The following RAD51B variants were observed in gnomAD, a reference collection of about 807,000 sequenced individuals.
RAD51B encodes RAD51 paralog B, also known as DNA repair protein RAD51 homolog 2.
Under a neutral mutation model 42.2 loss-of-function variants are expected in RAD51B, and 38 were observed. The ratio of observed to expected loss-of-function variants is 0.90; its 90% CI spans 0.70 to 1.18. The LOEUF (loss-of-function observed/expected upper bound fraction) is 1.18. Among genes scored for constraint, RAD51B ranks in the 50% most tolerant of loss-of-function variants. The pLI, the probability that RAD51B is intolerant of heterozygous loss-of-function variation, is 0.00. For missense variants in RAD51B, 373 were observed against 400.7 expected, an observed-to-expected ratio of 0.93 and a Z score of 0.59; for synonymous variants, 154 against 145.2, an observed-to-expected ratio of 1.06 and a Z score of -0.43.
chr14:68,110,150 T>A (rs967032414), intron 7 of RAD51B, among the ~76,000 whole-genome samples: 12 of 151,906 alleles, frequency 7.9e-5, no homozygotes, highest in African/African-American at 2.7e-4. Flanking sequence ...ATGTCTTTTG[T>A]GAAAGGTGGA....
chr14:68,315,677 AC>A (rs1328430888), intron 8 of RAD51B, among the ~76,000 whole-genome samples: 1 of 151,982 alleles, frequency 6.6e-6, no homozygotes, highest in Non-Finnish European at 1.5e-5. Context: ...GCCCGCCACC[AC>A]GCCCGGCTAA....
intron 4 of RAD51B, among the ~76,000 whole-genome samples, chr14:67,862,515 C>T (rs1051342036): frequency 6.6e-6 from 1 of 151,456 alleles, no homozygotes; most frequent in Non-Finnish European, 1.5e-5. Flanking sequence ...AATCAATTGA[C>T]GTGAAGGAAG....
intron 10 of RAD51B, among the ~76,000 whole-genome samples, chr14:68,617,385 A>G (rs1458270134): frequency 6.6e-6 from 1 of 152,190 alleles, no homozygotes; most frequent in South Asian, 2.1e-4. Flanking sequence ...AAGCTGGTTG[A>G]TATTTTTACA....
chr14:68,595,775 C>T (rs894440220), exon 11 of RAD51B: 1 of 422,668 alleles, frequency 2.4e-6, no homozygotes. Flanking sequence ...AAAGTGTTCA[C>T]ACCATATTAT....
Position 68,569,980 on chromosome 14 carries a change from G to T in RAD51B, c.1037-24505G>T, listed in dbSNP as rs1051865950. ...GAACCAGGCCTGATGTTAAAGACAG[G>T]TTTCACCTTCTTTGTTTGTCTTGCC... On this transcript the variant is annotated intron_variant, in intron 10 of 10. Transcript: ENST00000487270. Among the ~76,000 whole-genome samples the T allele has an allele frequency of 4.3e-4, 66 of 152,340 alleles. 2 individuals are homozygous for T. The highest frequency in any genetic ancestry group is 3.3e-4 in the Admixed American group (5 of 15,304).
intron 11 of RAD51B, among the ~76,000 whole-genome samples, chr14:68,674,152 C>G (rs955232852): frequency 1.3e-5 from 2 of 150,808 alleles, no homozygotes; most frequent in Non-Finnish European, 2.9e-5. Context: ...CAATACTGTA[C>G]ACACATATAT....
intron 4 of RAD51B, among the ~76,000 whole-genome samples, chr14:67,857,649 C>T (rs899649015): frequency 7.9e-5 from 12 of 152,164 alleles, no homozygotes. Context: ...ATATCCAAAA[C>T]TTGGCACATG....
intron 7 of RAD51B, among the ~76,000 whole-genome samples, chr14:67,943,638 C>G (rs776666583): frequency 6.6e-6 from 1 of 152,158 alleles, no homozygotes; most frequent in Non-Finnish European, 1.5e-5. Flanking sequence ...AATCATAGCT[C>G]TTTTCCTCAA....
intron 9 of RAD51B, 65 bp from the exon 10 acceptor site, chr14:68,468,107 G>A: frequency 7.3e-7 from 1 of 1,365,804 alleles, no homozygotes; most frequent in Non-Finnish European, 1.0e-6. Context: ...AAGTGGGAAG[G>A]GGAGTGAATA....
At chr14:68,393,945 G>C (rs1372267593) in intron 8 of RAD51B, among the ~76,000 whole-genome samples, 1 of 152,034 alleles carries the variant, frequency 6.6e-6, no homozygotes, top group Non-Finnish European at 1.5e-5. Context: ...CATTTTTAGG[G>C]CCAGGGAAGA....
chr14:68,614,294 G>C (rs1891780970), downstream of RAD51B, among the ~76,000 whole-genome samples: 1 of 152,166 alleles, frequency 6.6e-6, no homozygotes, highest in South Asian at 2.1e-4. Context: ...CTCTCATTAA[G>C]CCTTTATCCA....
intron 4 of RAD51B, among the ~76,000 whole-genome samples, chr14:67,850,855 G>C (rs924677106): frequency 1.1e-4 from 16 of 152,122 alleles, no homozygotes; most frequent in Admixed American, 6.6e-4. Flanking sequence ...TTGTTGCCCA[G>C]TCACACCCTT....
chr14:68,316,401 G>T (rs2082062803), intron 8 of RAD51B, among the ~76,000 whole-genome samples: 1 of 152,174 alleles, frequency 6.6e-6, no homozygotes, highest in Admixed American at 6.5e-5. Context: ...ATCTACTGGT[G>T]CTTTGATGGT....
intron 10 of RAD51B, among the ~76,000 whole-genome samples, chr14:68,571,527 A>G (rs1302524284): frequency 6.6e-6 from 1 of 152,016 alleles, no homozygotes; most frequent in Non-Finnish European, 1.5e-5. Flanking sequence ...TCATTCTTCC[A>G]TTGCCACTTC....
intron 10 of RAD51B, among the ~76,000 whole-genome samples, chr14:68,593,438 G>T (rs1890846624): frequency 1.3e-5 from 2 of 152,242 alleles, no homozygotes; most frequent in African/African-American, 4.8e-5. Context: ...GCAGGTAGGG[G>T]ACAAGTTGTC....
chr14:68,444,364 G>A (rs780184149), intron 9 of RAD51B, among the ~76,000 whole-genome samples: 1 of 152,134 alleles, frequency 6.6e-6, no homozygotes, highest in African/African-American at 2.4e-5. Flanking sequence ...CTTCCAGGAA[G>A]AAAAGTTGTA....
chr14:67,900,216 T>C (rs1261897906), intron 7 of RAD51B, among the ~76,000 whole-genome samples: 1 of 152,214 alleles, frequency 6.6e-6, no homozygotes, highest in African/African-American at 2.4e-5. Context: ...ACATGTAATG[T>C]TAAGAGTATA....
intron 10 of RAD51B, among the ~76,000 whole-genome samples, chr14:68,578,804 G>A (rs1890082653): frequency 6.6e-6 from 1 of 152,214 alleles, no homozygotes; most frequent in Non-Finnish European, 1.5e-5. Flanking sequence ...GAGGTGACAA[G>A]ACAAAGGAGG....
At chr14:68,095,971 C>CAAAAAA (rs56862052) in intron 7 of RAD51B, among the ~76,000 whole-genome samples, 239 of 61,888 alleles carry the variant, frequency 3.9e-3, no homozygotes, top group East Asian at 8.0e-3. Context: ...GACTCCGTCT[C>CAAAAAA]AAAAAAAAAA....
Sources: gnomAD v4.1 joint callset for allele counts (sites outside exome capture counted in the v4.1 genomes callset) on GRCh38, gnomAD v4.1.1 for gene constraint, MANE v1.5 for transcripts, NCBI Gene and HGNC (gene_info 2026-07-23, HGNC 2026-07-21) for gene names.